PHEX: variants seen among roughly 807,000 people sequenced by gnomAD.
The protein encoded by PHEX is phosphate-regulating neutral endopeptidase PHEX.
Under a neutral mutation model 68.0 loss-of-function variants are expected in PHEX, and 16 were observed. That is an observed-to-expected ratio of 0.24 (90% CI 0.16 to 0.36). The LOEUF (loss-of-function observed/expected upper bound fraction) is 0.36. PHEX is among the 10% of genes least tolerant of loss of function. PHEX has a pLI of 1.00. For missense variants in PHEX, 480 were observed against 575.5 expected (o/e 0.83, Z 1.70); for synonymous variants, 208 against 205.1 (o/e 1.01, Z -0.12).
At chrX:22,103,737 C>T (rs770991496) in intron 9 of PHEX, among the ~76,000 whole-genome samples, 16 of 111,941 alleles carry the variant, frequency 1.4e-4, no homozygotes, top group South Asian at 3.6e-4. Context: ...CATATTTTTG[C>T]GATTGCAAAT....
chrX:22,093,957 G>C (rs1277986762), intron 6 of PHEX, 26 bp from the exon 7 acceptor site: 1 of 945,254 alleles, frequency 1.1e-6, no homozygotes, highest in African/African-American at 1.9e-5. Flanking sequence ...TATTGTCATG[G>C]TCACTTTGTT....
At chrX:22,065,775 T>C (rs1928572494) in intron 3 of PHEX, among the ~76,000 whole-genome samples, 1 of 112,158 alleles carries the variant, frequency 8.9e-6, no homozygotes, top group Non-Finnish European at 1.9e-5. Context: ...ATCATTTGTT[T>C]TCTCTACTGT....
chrX:22,051,725 T>C (rs1927841616), intron 3 of PHEX, among the ~76,000 whole-genome samples: 1 of 111,491 alleles, frequency 9.0e-6, no homozygotes, highest in Non-Finnish European at 1.9e-5. Context: ...TCTGTAAATA[T>C]ATATATAGTG....
chrX:22,185,756 G>GTTTTTTTTTGTTTTTTTTTTTTTTTT (rs1934010552), intron 14 of PHEX, among the ~76,000 whole-genome samples: 1 of 87,796 alleles, frequency 1.1e-5, no homozygotes, highest in African/African-American at 5.0e-5. Flanking sequence ...CTCGTTTGTG[G>GTTTTTTTTTGTTTTTTTTTTTTTTTT]TTTTTTTTTT....
At chrX:22,215,730 G>GC (rs768070901) in intron 16 of PHEX, among the ~76,000 whole-genome samples, 1 of 110,265 alleles carries the variant, frequency 9.1e-6, no homozygotes, top group Non-Finnish European at 1.9e-5. Context: ...TCTGACCCCA[G>GC]CCCCCCACCA....
rs1927585631 is a variant in PHEX, at chrX:22,047,224, T to C, written c.349+13T>C. 1 of 1,180,414 alleles carries C rather than the reference T, an allele frequency of 8.5e-7. No individual in the cohort carries two copies. Among genetic ancestry groups the C allele is most frequent in the Non-Finnish European group, 1.2e-6 (1 of 868,160 alleles). On this transcript the variant is annotated intron_variant, in intron 3 of 21. Transcript: ENST00000379374. The stretch of plus-strand genomic sequence containing the variant: ...CTCAAGTTGAAGGGTAAGTTTCTAC[T>C]GGGGTTTGGTGATACACTTTATAGA...
At chrX:22,231,407 T>G (rs910083800) in intron 20 of PHEX, among the ~76,000 whole-genome samples, 17 of 110,968 alleles carry the variant, frequency 1.5e-4, no homozygotes, top group African/African-American at 5.2e-4. Context: ...GTCCTCAACT[T>G]TTTTTGGTTG....
At chrX:22,217,053 G>T (rs770506639) in intron 16 of PHEX, among the ~76,000 whole-genome samples, 2 of 111,388 alleles carry the variant, frequency 1.8e-5, no homozygotes, top group African/African-American at 6.5e-5. Context: ...CTGCTTAAAG[G>T]ACATTTATTG....
intron 12 of PHEX, among the ~76,000 whole-genome samples, chrX:22,158,375 G>T (rs1197723941): frequency 1.8e-5 from 2 of 112,016 alleles, no homozygotes; most frequent in African/African-American, 3.2e-5. Flanking sequence ...TAGGAAAGTT[G>T]CCCTATAAAT....
At chrX:22,066,454 A>G (rs1398390750) in intron 3 of PHEX, among the ~76,000 whole-genome samples, 1 of 112,208 alleles carries the variant, frequency 8.9e-6, no homozygotes, top group Admixed American at 9.4e-5. Context: ...CTTTGAACTT[A>G]GGAAGGTATT....
intron 14 of PHEX, among the ~76,000 whole-genome samples, 198 bp from the exon 15 acceptor site, chrX:22,190,246 G>T (rs1328803629): frequency 8.9e-6 from 1 of 111,817 alleles, no homozygotes; most frequent in Non-Finnish European, 1.9e-5. Context: ...TTTTCATTGA[G>T]CCATGTTCAG....
At chrX:22,196,933 CTG>C (rs1934385979) in intron 15 of PHEX, among the ~76,000 whole-genome samples, 1 of 111,976 alleles carries the variant, frequency 8.9e-6, no homozygotes, top group African/African-American at 3.2e-5. Flanking sequence ...AAGGAAATAA[CTG>C]TGTTTCAAAC....
intron 3 of PHEX, among the ~76,000 whole-genome samples, chrX:22,055,864 T>C (rs1485665322): frequency 1.8e-5 from 2 of 111,800 alleles, no homozygotes; most frequent in Non-Finnish European, 3.8e-5. Context: ...CCAGACAGGT[T>C]TTCTTCTTAT....
intron 3 of PHEX, among the ~76,000 whole-genome samples, chrX:22,054,578 C>T (rs1927989012): frequency 9.0e-6 from 1 of 111,483 alleles, no homozygotes; most frequent in Admixed American, 9.6e-5. Flanking sequence ...TGTGAGTCTC[C>T]TATGTAAACT....
chrX:22,137,263 G>C (rs192381276), intron 12 of PHEX, among the ~76,000 whole-genome samples: 1 of 111,461 alleles, frequency 9.0e-6, no homozygotes, highest in Admixed American at 9.5e-5. Flanking sequence ...GATCCCTTCG[G>C]AATTATTTGT....
chrX:22,224,052 G>A lies in PHEX; in HGVS notation c.1899+2309G>A, dbSNP rs181456476. ...GGCTGGAGTGCGGTGGTGTGATCTC[G>A]GCTCACTACAACCTCTGCCTCCCTG... On this transcript the variant is annotated intron_variant, in intron 18 of 21. Transcript: ENST00000379374. 7.3e-3 allele frequency among the ~76,000 whole-genome samples: 810 copies of A among 111,160 alleles called. 7 individuals carry two copies. Among genetic ancestry groups the A allele is most frequent in the African/African-American group, 0.024 (746 of 30,588 alleles).
At chrX:22,044,446 T>C (rs1227762057) in intron 2 of PHEX, among the ~76,000 whole-genome samples, 2 of 111,684 alleles carry the variant, frequency 1.8e-5, no homozygotes, top group African/African-American at 6.5e-5. Flanking sequence ...GCACGGTGGC[T>C]CACGCCTGTA....
chrX:22,247,606 T>G (rs111988374), intron 21 of PHEX, among the ~76,000 whole-genome samples: 2 of 112,482 alleles, frequency 1.8e-5, no homozygotes, highest in Admixed American at 9.4e-5. Context: ...GATACAGTTT[T>G]AAAAGAATTT....
chrX:22,219,625 T>TATTATTATC (rs1556136243), intron 17 of PHEX, among the ~76,000 whole-genome samples: 4 of 110,326 alleles, frequency 3.6e-5, no homozygotes, highest in East Asian at 5.7e-4. Flanking sequence ...TTATTATTAT[T>TATTATTATC]ATTATCATTA....
Sources: gnomAD v4.1 joint callset for allele counts (sites outside exome capture counted in the v4.1 genomes callset) on GRCh38, gnomAD v4.1.1 for gene constraint, MANE v1.5 for transcripts, NCBI Gene and HGNC (gene_info 2026-07-23, HGNC 2026-07-21) for gene names.